Variants in TENT5D observed in about 807,000 individuals in gnomAD.
TENT5D encodes terminal nucleotidyltransferase 5D, also known as cancer/testis antigen 112.
For missense variants in TENT5D, 191 were observed against 287.0 expected (o/e 0.67, Z 2.42); for synonymous variants, 103 against 100.6 (o/e 1.02, Z -0.15).
chrX:80,397,486 T>TG (rs1224323617), intron 3 of TENT5D, among the ~76,000 whole-genome samples: 18 of 92,293 alleles, frequency 2.0e-4, no homozygotes, highest in African/African-American at 7.1e-4. Flanking sequence ...TCCCAGACGA[T>TG]GGGCGGCCAG....
chrX:80,386,260 C>A (rs764718765), intron 3 of TENT5D, among the ~76,000 whole-genome samples: 277 of 111,874 alleles, frequency 2.5e-3, no homozygotes, highest in Non-Finnish European at 4.5e-3. Flanking sequence ...AGGATGAGTT[C>A]ATGTCCTTTG....
chrX:80,434,263 G>T (rs1459151391), intron 1 of TENT5D, among the ~76,000 whole-genome samples: 1 of 108,305 alleles, frequency 9.2e-6, no homozygotes, highest in Non-Finnish European at 1.9e-5. Context: ...GAAAGTATAT[G>T]CCTGCCTCCT....
chrX:80,416,441 C>G (rs1270680967), upstream of TENT5D, among the ~76,000 whole-genome samples: 8 of 107,166 alleles, frequency 7.5e-5, no homozygotes, highest in African/African-American at 2.7e-4. Context: ...GTGTTATAAA[C>G]TTCCCTTTAA....
chrX:80,433,351 A>G (rs913504948), intron 1 of TENT5D, among the ~76,000 whole-genome samples: 1 of 111,949 alleles, frequency 8.9e-6, no homozygotes, highest in Non-Finnish European at 1.9e-5. Flanking sequence ...TTCACTGCCT[A>G]ACTTTTCTCT....
chrX:80,380,342 G>A (rs1930834256), intron 3 of TENT5D, among the ~76,000 whole-genome samples: 1 of 110,968 alleles, frequency 9.0e-6, no homozygotes, highest in Admixed American at 9.7e-5. Context: ...TTTGATTTCT[G>A]TTCTCTTACA....
chrX:80,382,928 TC>T (rs1232686640), intron 3 of TENT5D, among the ~76,000 whole-genome samples: 2 of 111,853 alleles, frequency 1.8e-5, no homozygotes, highest in Non-Finnish European at 3.8e-5. Context: ...GAAAGGGAAA[TC>T]CCCCGACCCC....
chrX:80,392,492 A>ATT (rs1931150145), intron 3 of TENT5D, among the ~76,000 whole-genome samples: 1 of 23,700 alleles, frequency 4.2e-5, no homozygotes, highest in African/African-American at 1.5e-4. Context: ...TTCTCATTTT[A>ATT]TTCTTTTTTT....
chrX:80,416,201 T>C (rs1334525463), upstream of TENT5D, among the ~76,000 whole-genome samples: 1 of 109,206 alleles, frequency 9.2e-6, no homozygotes, highest in Non-Finnish European at 1.9e-5. Context: ...CTAATCTAGG[T>C]AGTTGTCTAT....
intron 3 of TENT5D, among the ~76,000 whole-genome samples, chrX:80,374,790 G>C (rs890833815): frequency 9.0e-6 from 1 of 111,050 alleles, no homozygotes; most frequent in African/African-American, 3.3e-5. Context: ...AAAATGCTTA[G>C]GACAAGAAGG....
intron 3 of TENT5D, among the ~76,000 whole-genome samples, chrX:80,352,066 G>C (rs1930187514): frequency 8.9e-6 from 1 of 111,855 alleles, no homozygotes; most frequent in Non-Finnish European, 1.9e-5. Context: ...GAGCTCTCCT[G>C]TATGAGGTAT....
chrX:80,372,238 C>T (rs1025502714), intron 3 of TENT5D, among the ~76,000 whole-genome samples: 11 of 111,267 alleles, frequency 9.9e-5, no homozygotes, highest in African/African-American at 2.9e-4. Context: ...GACTTGTAGA[C>T]CTGACTGGAT....
At chrX:80,335,572 C>T (rs1374139085) in intron 1 of TENT5D, 1 of 111,854 alleles carries the variant, frequency 8.9e-6, no homozygotes, top group African/African-American at 3.3e-5. Context: ...AAGGTTTCGT[C>T]ACCCAGCCAA....
chrX:80,415,344 A>G (rs1225531344), intron 3 of TENT5D, among the ~76,000 whole-genome samples: 1 of 111,413 alleles, frequency 9.0e-6, no homozygotes, highest in Non-Finnish European at 1.9e-5. Context: ...ACTGTGTTGA[A>G]TAGGAGTCTT....
chrX:80,408,947 C>T (rs1233479558), intron 3 of TENT5D, among the ~76,000 whole-genome samples: 3 of 110,730 alleles, frequency 2.7e-5, no homozygotes, highest in East Asian at 5.7e-4. Context: ...GTTCAATATA[C>T]GCAAATCAAT....
intron 3 of TENT5D, among the ~76,000 whole-genome samples, chrX:80,394,418 A>G (rs1161414832): frequency 2.0e-4 from 12 of 60,969 alleles, no homozygotes; most frequent in African/African-American, 9.0e-4. Context: ...TTTTTTTGAG[A>G]CAGAGTTTCA....
At chrX:80,443,604 T>C in exon 3 of TENT5D, 1 of 1,210,766 alleles carries the variant, frequency 8.3e-7, no homozygotes. Context: ...CTCCGTACTT[T>C]GCAGCTGAGG....
intron 3 of TENT5D, among the ~76,000 whole-genome samples, chrX:80,349,197 CT>C (rs1569355565): frequency 8.9e-6 from 1 of 112,042 alleles, no homozygotes; most frequent in Non-Finnish European, 1.9e-5. Context: ...GGGAGTCCCT[CT>C]TTTTCTATTG....
At chrX:80,405,794 G>T (rs1431756918) in intron 3 of TENT5D, among the ~76,000 whole-genome samples, 1 of 112,722 alleles carries the variant, frequency 8.9e-6, no homozygotes, top group African/African-American at 3.2e-5. Context: ...CTCCACCTCT[G>T]GGGGCAGGGC....
intron 1 of TENT5D, among the ~76,000 whole-genome samples, chrX:80,437,447 G>A (rs1464720435): frequency 1.8e-5 from 2 of 111,680 alleles, no homozygotes; most frequent in African/African-American, 3.2e-5. Flanking sequence ...AGACACTTCC[G>A]TGAGATGATT....
Sources: allele counts gnomAD v4.1 joint callset (sites outside exome capture counted in the v4.1 genomes callset), GRCh38; gene constraint gnomAD v4.1.1; transcripts MANE v1.5; gene names NCBI Gene and HGNC (gene_info 2026-07-23, HGNC 2026-07-21).